The following LOC400499 variants were observed in gnomAD, a reference collection of about 807,000 sequenced individuals.
chr16:11,454,478 GAC>G, the LOC400499 span, among the ~76,000 whole-genome samples: 1 of 152,288 alleles, frequency 6.6e-6, no homozygotes, highest in South Asian at 2.1e-4. Flanking sequence ...GAAAAATCTG[GAC>G]ACAGACACAC....
the LOC400499 span, among the ~76,000 whole-genome samples, chr16:11,437,120 C>T: frequency 6.6e-6 from 1 of 152,172 alleles, no homozygotes; most frequent in African/African-American, 2.4e-5. Flanking sequence ...GGCAAAACCA[C>T]AGATAGTAAA....
At chr16:11,416,715 GC>G in the LOC400499 span, among the ~76,000 whole-genome samples, 11 of 152,154 alleles carry the variant, frequency 7.2e-5, no homozygotes, top group Non-Finnish European at 1.2e-4. Flanking sequence ...TCCCTGAGAT[GC>G]CATTGGAAAA....
chr16:11,383,569 G>A, the LOC400499 span: 14 of 1,219,432 alleles, frequency 1.1e-5, no homozygotes, highest in Non-Finnish European at 1.0e-6. Context: ...TGAGAGAAAG[G>A]GACTGGTTTT....
At chr16:11,446,518 G>A in the LOC400499 span, 6 of 1,528,020 alleles carry the variant, frequency 3.9e-6, no homozygotes, top group Non-Finnish European at 4.4e-6. Flanking sequence ...GGCTGGCTGG[G>A]GTGCAAAAGT....
the LOC400499 span, chr16:11,414,414 T>G: frequency 7.5e-6 from 3 of 399,588 alleles, no homozygotes; most frequent in Admixed American, 4.4e-5. Context: ...CCAGCTGCAG[T>G]GGGCCACGTC....
the LOC400499 span, chr16:11,447,904 G>A: frequency 1.3e-6 from 2 of 1,524,548 alleles, no homozygotes; most frequent in African/African-American, 1.4e-5. Context: ...ACTTGCAGGG[G>A]TGTCAGCTGA....
the LOC400499 span, among the ~76,000 whole-genome samples, chr16:11,433,671 C>T: frequency 6.6e-6 from 1 of 152,070 alleles, no homozygotes; most frequent in Admixed American, 6.5e-5. Flanking sequence ...ACTTTCAGCC[C>T]CACATCCCAT....
the LOC400499 span, among the ~76,000 whole-genome samples, chr16:11,515,147 A>G: frequency 2.2e-4 from 33 of 152,014 alleles, no homozygotes; most frequent in African/African-American, 7.5e-4. Context: ...CTCTACTAAA[A>G]TTTTTTTTAA....
chr16:11,425,103 C>T, the LOC400499 span: 2 of 398,996 alleles, frequency 5.0e-6, no homozygotes, highest in Admixed American at 4.4e-5. Flanking sequence ...GGAAGCTGTT[C>T]TGCCTGGACC....
At chr16:11,476,136 G>A in the LOC400499 span, among the ~76,000 whole-genome samples, 1 of 151,834 alleles carries the variant, frequency 6.6e-6, no homozygotes, top group Non-Finnish European at 1.5e-5. Context: ...AAGAAGGCTG[G>A]TGGGAGGGGG....
At chr16:11,514,685 T>A in the LOC400499 span, 1 of 397,714 alleles carries the variant, frequency 2.5e-6, no homozygotes, top group Non-Finnish European at 4.4e-6. Flanking sequence ...GAGGAGACCC[T>A]GAGGGCTGCA....
chr16:11,527,033 C>T, the LOC400499 span, among the ~76,000 whole-genome samples: 180 of 152,344 alleles, frequency 1.2e-3, 2 homozygotes, highest in Middle Eastern at 0.017. Flanking sequence ...GCTACAAAAG[C>T]GCAATCCCCG....
the LOC400499 span, among the ~76,000 whole-genome samples, chr16:11,476,393 C>A: frequency 6.6e-6 from 1 of 152,032 alleles, no homozygotes; most frequent in African/African-American, 2.4e-5. Flanking sequence ...CCAGCTCTCA[C>A]CTCTCAGCTG....
chr16:11,430,941 T>A, the LOC400499 span: 1 of 398,090 alleles, frequency 2.5e-6, no homozygotes, highest in African/African-American at 2.1e-5. Context: ...GATGCTGGAG[T>A]TGGAGCATCA....
the LOC400499 span, among the ~76,000 whole-genome samples, chr16:11,449,757 T>C: frequency 6.6e-6 from 1 of 152,252 alleles, no homozygotes; most frequent in South Asian, 2.1e-4. Context: ...TTTCCTAGAA[T>C]GGCACTTCCA....
At chr16:11,378,115 C>G in the LOC400499 span, among the ~76,000 whole-genome samples, 8 of 151,980 alleles carry the variant, frequency 5.3e-5, no homozygotes, top group Non-Finnish European at 1.2e-4. Context: ...AGAGCTTTTC[C>G]TTTTTCTTTG....
At chr16:11,433,439 C>T in the LOC400499 span, among the ~76,000 whole-genome samples, 2 of 152,124 alleles carry the variant, frequency 1.3e-5, no homozygotes, top group South Asian at 2.1e-4. Context: ...CCAATTTGTA[C>T]CAGAATGTGC....
chr16:11,408,198 G>C, the LOC400499 span, among the ~76,000 whole-genome samples: 82 of 152,100 alleles, frequency 5.4e-4, no homozygotes, highest in Non-Finnish European at 1.1e-3. Flanking sequence ...GGCCAGGCCA[G>C]TCTCGAACTC....
chr16:11,499,964 G>A, the LOC400499 span, among the ~76,000 whole-genome samples: 1 of 152,176 alleles, frequency 6.6e-6, no homozygotes, highest in African/African-American at 2.4e-5. Flanking sequence ...TGGGGTTGAT[G>A]AGAGCACCTA....
Sources: allele counts gnomAD v4.1 joint callset (sites outside exome capture counted in the v4.1 genomes callset), GRCh38; gene constraint gnomAD v4.1.1; transcripts MANE v1.5.